Variants in NLGN4X observed in about 807,000 individuals in gnomAD.
NLGN4X encodes neuroligin-4, X-linked.
Under a neutral mutation model 40.3 loss-of-function variants are expected in NLGN4X, and 3 were observed. The observed-to-expected ratio is 0.07, with a 90% CI of 0.03 to 0.19. NLGN4X has a LOEUF of 0.19. Ranked by LOEUF, NLGN4X falls within the 10% of genes least tolerant of loss-of-function variation. The pLI is 1.00. For missense variants in NLGN4X, 382 were observed against 708.3 expected (o/e 0.54, Z 5.23); for synonymous variants, 270 against 306.8 (o/e 0.88, Z 1.25).
intron 2 of NLGN4X, among the ~76,000 whole-genome samples, chrX:6,036,401 ATTTG>A (rs2147243836): frequency 8.9e-6 from 1 of 111,765 alleles, no homozygotes; most frequent in Non-Finnish European, 1.9e-5. Context: ...CGTATATTTA[ATTTG>A]TTTATCCTTT....
intron 3 of NLGN4X, among the ~76,000 whole-genome samples, chrX:5,926,985 T>C (rs1220956777): frequency 9.1e-6 from 1 of 110,386 alleles, no homozygotes; most frequent in African/African-American, 3.3e-5. Context: ...TCTATCTGTT[T>C]CACAGGTTTG....
intron 3 of NLGN4X, among the ~76,000 whole-genome samples, chrX:5,935,670 G>A (rs764236318): frequency 9.0e-6 from 1 of 111,560 alleles, no homozygotes; most frequent in African/African-American, 3.3e-5. Context: ...CTTTACATAA[G>A]GCCAATTCAA....
intron 2 of NLGN4X, among the ~76,000 whole-genome samples, chrX:6,117,786 G>A (rs913328028): frequency 2.7e-5 from 3 of 110,307 alleles, no homozygotes; most frequent in African/African-American, 1.0e-4. Flanking sequence ...TTGGACAATC[G>A]CATATGAGTG....
In NLGN4X at chrX:5,890,873, T is replaced by A; in HGVS notation, c.*1944A>T. On this transcript the variant is annotated 3_prime_UTR_variant, in exon 6 of 6. Coordinates refer to ENST00000381095, the MANE Select transcript of NLGN4X (RefSeq NM_181332.3). ...TAGAGGTCACTCTCAAACACTGATA[T>A]ATCACTATAGTTTGAGTGTAGGGAT... is the stretch of plus-strand genomic sequence containing the variant. 1 of 324,057 alleles carries A rather than the reference T, an allele frequency of 3.1e-6. No homozygotes were observed. Among genetic ancestry groups the A allele is most frequent in the Non-Finnish European group, 5.9e-6 (1 of 168,601 alleles). 26.7% of individuals were successfully genotyped at this position (324,057 alleles called of 1,213,427 possible). A position where few individuals can be genotyped will look rare whatever the true frequency, so the allele number is the denominator to read the frequency against.
chrX:5,973,524 A>C (rs1419757117), intron 3 of NLGN4X, among the ~76,000 whole-genome samples: 1 of 112,420 alleles, frequency 8.9e-6, no homozygotes, highest in African/African-American at 3.2e-5. Flanking sequence ...ATAGATATGG[A>C]ATCCTACCCC....
rs1555952653 is a variant in NLGN4X at position 6,029,437 on chromosome X, A to AT, written c.473-6_473-5insA. The AT allele has an allele frequency of 6.6e-6, 8 of 1,203,295 alleles. No individual in the cohort carries two copies. Among genetic ancestry groups the AT allele is most frequent in the Non-Finnish European group, 9.0e-6 (8 of 890,250 alleles). On this transcript the variant is annotated splice_region_variant and splice_polypyrimidine_tract_variant and intron_variant, in intron 2 of 5. Transcript: ENST00000381095. ...TACTGTTCTGATCATGAATATCTGG[A>AT]AAAAAAAGCCAAGTAAGGAAACACA...
At chrX:5,978,645 G>A (rs979988383) in intron 3 of NLGN4X, among the ~76,000 whole-genome samples, 2 of 112,123 alleles carry the variant, frequency 1.8e-5, no homozygotes, top group African/African-American at 3.2e-5. Context: ...GAAACAGTGA[G>A]GTCTCACAGT....
chrX:5,921,077 G>C (rs914531416), intron 3 of NLGN4X, among the ~76,000 whole-genome samples: 1 of 106,669 alleles, frequency 9.4e-6, no homozygotes, highest in African/African-American at 3.4e-5. Context: ...GGTGATTCAT[G>C]TGCTTTTGTA....
At chrX:6,053,327 A>C (rs899370921) in intron 2 of NLGN4X, among the ~76,000 whole-genome samples, 5 of 111,869 alleles carry the variant, frequency 4.5e-5, no homozygotes, top group African/African-American at 1.6e-4. Flanking sequence ...CAAAGGGAAC[A>C]CAAATCACTC....
intron 3 of NLGN4X, among the ~76,000 whole-genome samples, chrX:5,972,112 TACAC>T (rs1231419928): frequency 1.8e-5 from 2 of 108,383 alleles, no homozygotes; most frequent in Admixed American, 9.7e-5. Flanking sequence ...GTAACATACA[TACAC>T]ACACATGTGC....
chrX:5,959,251 C>T (rs2034584917), intron 3 of NLGN4X, among the ~76,000 whole-genome samples: 1 of 112,146 alleles, frequency 8.9e-6, no homozygotes, highest in Admixed American at 9.5e-5. Context: ...TAGTCCATGG[C>T]TGAGCGTAGG....
Position 6,003,016 on chromosome X carries a change from C to T in NLGN4X, c.625+26264G>A, listed in dbSNP as rs748982434. 4.5e-5 allele frequency among the ~76,000 whole-genome samples: 5 copies of T among 111,506 alleles called. No individual in the cohort carries two copies. The East Asian group carries it at 1.1e-3, about 25-fold the overall frequency. ...ACTTTCAACCAGCAATAAAAAATCC[C>T]CTGCATTTACCATCTTCAATTTGTT... On this transcript the variant is annotated intron_variant, in intron 3 of 5. Coordinates refer to ENST00000381095, the MANE Select transcript of NLGN4X (RefSeq NM_181332.3).
intron 1 of NLGN4X, chrX:6,227,284 C>G (rs889515196): frequency 1.8e-5 from 2 of 109,788 alleles, no homozygotes; most frequent in Non-Finnish European, 3.8e-5. Context: ...CCTCCTCCCC[C>G]GTCCCCACCT....
At chrX:6,152,958 C>A (rs1445564498) in intron 1 of NLGN4X, among the ~76,000 whole-genome samples, 1 of 112,293 alleles carries the variant, frequency 8.9e-6, no homozygotes, top group Non-Finnish European at 1.9e-5. Flanking sequence ...ATAACTATCC[C>A]TACATAAGTC....
intron 3 of NLGN4X, 122 bp from the exon 4 acceptor site, chrX:5,909,361 C>T: frequency 1.2e-6 from 1 of 832,607 alleles, no homozygotes; most frequent in South Asian, 2.4e-5. Context: ...ACTCTCACCC[C>T]CACCAATTAG....
chrX:5,927,211 C>A (rs2033366463), intron 3 of NLGN4X, among the ~76,000 whole-genome samples: 1 of 111,656 alleles, frequency 9.0e-6, no homozygotes, highest in African/African-American at 3.3e-5. Context: ...AAGAAGATAT[C>A]ATCTGAAATG....
At chrX:6,066,371 A>G (rs1170671321) in intron 2 of NLGN4X, among the ~76,000 whole-genome samples, 1 of 112,136 alleles carries the variant, frequency 8.9e-6, no homozygotes, top group Non-Finnish European at 1.9e-5. Flanking sequence ...TCTACTTGTT[A>G]TTGCCTCTGC....
intron 2 of NLGN4X, among the ~76,000 whole-genome samples, chrX:6,088,734 A>G (rs1208554241): frequency 8.9e-6 from 1 of 112,204 alleles, no homozygotes; most frequent in African/African-American, 3.2e-5. Flanking sequence ...AACCAAAGTA[A>G]CAATAGATGT....
intron 2 of NLGN4X, among the ~76,000 whole-genome samples, chrX:6,055,312 T>C (rs771156749): frequency 1.4e-4 from 16 of 111,911 alleles, no homozygotes; most frequent in South Asian, 1.1e-3. Flanking sequence ...CTAGTCAACA[T>C]AGCAATACTC....
Sources: gnomAD v4.1 joint callset for allele counts (sites outside exome capture counted in the v4.1 genomes callset) on GRCh38, gnomAD v4.1.1 for gene constraint, MANE v1.5 for transcripts, NCBI Gene and HGNC (gene_info 2026-07-23, HGNC 2026-07-21) for gene names.